ZNF385B: variants seen among roughly 807,000 people sequenced by gnomAD.
ZNF385B encodes zinc finger protein 385B, also known as zinc finger protein 533.
A neutral mutation model predicts 39.2 loss-of-function variants in ZNF385B; 23 were observed. That is an observed-to-expected ratio of 0.59 (90% CI 0.42 to 0.83). The LOEUF (loss-of-function observed/expected upper bound fraction) is 0.83, where lower values mean the gene tolerates loss of function less well. Ranked by LOEUF, ZNF385B falls within the 40% of genes least tolerant of loss-of-function variation. ZNF385B has a pLI of 0.00. For synonymous variants in ZNF385B, 205 were observed against 222.6 expected (o/e 0.92, Z 0.70); for missense variants, 552 against 598.9 (o/e 0.92, Z 0.82).
intron 3 of ZNF385B, among the ~76,000 whole-genome samples, chr2:179,549,875 A>T (rs2060461622): frequency 6.7e-6 from 1 of 148,784 alleles, no homozygotes; most frequent in African/African-American, 2.5e-5. Flanking sequence ...GTATAGATTG[A>T]GAGTAATTTT....
At chr2:179,766,774 A>AT (rs1036898356) in intron 3 of ZNF385B, among the ~76,000 whole-genome samples, 5 of 152,234 alleles carry the variant, frequency 3.3e-5, no homozygotes, top group Non-Finnish European at 5.9e-5. Context: ...ATTCCAATAT[A>AT]TTTTTTTGTG....
intron 1 of ZNF385B, among the ~76,000 whole-genome samples, chr2:179,801,545 G>A (rs1220388424): frequency 6.6e-6 from 1 of 152,076 alleles, no homozygotes; most frequent in East Asian, 1.9e-4. Flanking sequence ...ATAACTTCTA[G>A]CATTTTATTG....
chr2:179,849,903 G>T (rs1708990862), intron 1 of ZNF385B, among the ~76,000 whole-genome samples: 1 of 152,152 alleles, frequency 6.6e-6, no homozygotes. Flanking sequence ...TCAAGGAGTT[G>T]AGCTCAGCTG....
intron 3 of ZNF385B, among the ~76,000 whole-genome samples, chr2:179,580,159 A>C (rs1686321926): frequency 6.6e-6 from 1 of 152,184 alleles, no homozygotes; most frequent in Non-Finnish European, 1.5e-5. Flanking sequence ...AATTACCATG[A>C]GGATTAAATA....
intron 3 of ZNF385B, among the ~76,000 whole-genome samples, chr2:179,594,765 C>T (rs1279719918): frequency 6.6e-6 from 1 of 151,586 alleles, no homozygotes; most frequent in Non-Finnish European, 1.5e-5. Flanking sequence ...ACCATGATAC[C>T]AAGCCATTGT....
intron 6 of ZNF385B, among the ~76,000 whole-genome samples, chr2:179,466,576 C>T (rs957233197): frequency 6.6e-6 from 1 of 151,978 alleles, no homozygotes; most frequent in Admixed American, 6.6e-5. Context: ...ATACAATATC[C>T]ATTTGTGTTA....
chr2:179,766,573 T>C (rs1350871713), intron 3 of ZNF385B, among the ~76,000 whole-genome samples: 1 of 152,134 alleles, frequency 6.6e-6, no homozygotes, highest in African/African-American at 2.4e-5. Context: ...GGCTGTCTTC[T>C]CCCTGTATCT....
chr2:179,445,974 G>A (rs2049433103), intron 7 of ZNF385B, among the ~76,000 whole-genome samples: 1 of 151,696 alleles, frequency 6.6e-6, no homozygotes, highest in African/African-American at 2.4e-5. Flanking sequence ...ACTACTCAGA[G>A]GTAACCACTA....
At chr2:179,858,781 G>A (rs1575608922) in intron 1 of ZNF385B, among the ~76,000 whole-genome samples, 2 of 152,158 alleles carry the variant, frequency 1.3e-5, no homozygotes, top group Non-Finnish European at 2.9e-5. Flanking sequence ...GATATTATGG[G>A]AACAGCAGAG....
In ZNF385B at chr2:179,553,582, A is replaced by G. The variant is rs2060714404; in HGVS notation, c.299-8613T>C. Reference sequence around the variant, plus strand: ...TTTACAGATGAGAAAGGTGAGGTTTAGAGTGATTAAAATCACTCAGTATGT... The same window carrying G: ...TTTACAGATGAGAAAGGTGAGGTTTGGAGTGATTAAAATCACTCAGTATGT... On this transcript the variant is annotated intron_variant, in intron 3 of 9. Transcript: ENST00000410066. 1.3e-5 allele frequency among the ~76,000 whole-genome samples: 2 copies of G among 148,980 alleles called. 1 individual carries two copies. Among genetic ancestry groups the G allele is most frequent in the African/African-American group, 5.1e-5 (2 of 39,452 alleles).
chr2:179,844,310 G>A (rs1201950577), intron 1 of ZNF385B, among the ~76,000 whole-genome samples: 1 of 152,128 alleles, frequency 6.6e-6, no homozygotes, highest in Non-Finnish European at 1.5e-5. Context: ...TTGCAGTATG[G>A]TTCTCACAAT....
chr2:179,799,333 C>T (rs1394924853), intron 1 of ZNF385B, among the ~76,000 whole-genome samples: 1 of 151,958 alleles, frequency 6.6e-6, no homozygotes, highest in Non-Finnish European at 1.5e-5. Flanking sequence ...CCATAATCTA[C>T]TTTTTTTAAA....
At chr2:179,647,777 A>G (rs546509185) in intron 3 of ZNF385B, among the ~76,000 whole-genome samples, 4 of 152,360 alleles carry the variant, frequency 2.6e-5, no homozygotes, top group South Asian at 4.1e-4. Flanking sequence ...GAGACTCAGA[A>G]AAGAGAGATG....
At chr2:179,564,775 T>C (rs1684361125) in intron 3 of ZNF385B, among the ~76,000 whole-genome samples, 1 of 152,150 alleles carries the variant, frequency 6.6e-6, no homozygotes, top group Non-Finnish European at 1.5e-5. Context: ...TTTGTATTTC[T>C]AACCTTAACT....
At chr2:179,503,521 T>TCTA (rs2056951244) in intron 5 of ZNF385B, among the ~76,000 whole-genome samples, 1 of 152,252 alleles carries the variant, frequency 6.6e-6, no homozygotes, top group African/African-American at 2.4e-5. Context: ...TATTTTTGTA[T>TCTA]CTACATCTGC....
At chr2:179,736,629 C>G (rs988374003) in intron 3 of ZNF385B, among the ~76,000 whole-genome samples, 7 of 152,154 alleles carry the variant, frequency 4.6e-5, no homozygotes, top group African/African-American at 1.7e-4. Flanking sequence ...AATCATCATT[C>G]CAGACTTCTT....
chr2:179,666,496 G>A (rs759098560), intron 3 of ZNF385B, among the ~76,000 whole-genome samples: 58 of 152,202 alleles, frequency 3.8e-4, no homozygotes, highest in African/African-American at 1.3e-3. Context: ...TTCAAATGGA[G>A]AATATAGTTT....
At chr2:179,628,061 A>C (rs1690836510) in intron 3 of ZNF385B, among the ~76,000 whole-genome samples, 1 of 152,046 alleles carries the variant, frequency 6.6e-6, no homozygotes, top group Admixed American at 6.6e-5. Context: ...CAGCTGGATT[A>C]TTTTCAAGCA....
At chr2:179,807,575 T>G (rs1706433640) in intron 1 of ZNF385B, among the ~76,000 whole-genome samples, 1 of 149,994 alleles carries the variant, frequency 6.7e-6, no homozygotes, top group Admixed American at 6.7e-5. Context: ...AGAGGGAGAC[T>G]CCATCCCCTC....
Sources: allele counts gnomAD v4.1 joint callset (sites outside exome capture counted in the v4.1 genomes callset), GRCh38; gene constraint gnomAD v4.1.1; transcripts MANE v1.5; gene names NCBI Gene and HGNC (gene_info 2026-07-23, HGNC 2026-07-21).